ZNF423: variants seen among roughly 807,000 people sequenced by gnomAD.
The protein encoded by ZNF423 is zinc finger protein 423.
In ZNF423, 12 loss-of-function variants were observed where a neutral mutation model predicts 95.8. That is an observed-to-expected ratio of 0.13 (90% CI 0.08 to 0.20). ZNF423 has a LOEUF of 0.20. Among genes scored for constraint, ZNF423 ranks in the 10% least tolerant of loss-of-function variants. The pLI is 1.00. For missense variants in ZNF423, 1,316 were observed against 1,737.1 expected (o/e 0.76, Z 4.31); for synonymous variants, 749 against 711.9 (o/e 1.05, Z -0.83).
At chr16:49,731,260 C>T (rs1183970841) in intron 2 of ZNF423, 3 of 959,938 alleles carry the variant, frequency 3.1e-6, no homozygotes, top group Non-Finnish European at 3.7e-6. Context: ...AGGTGAAAAA[C>T]CTTATTTGTC....
At chr16:49,566,359 A>T (rs1970189892) in intron 5 of ZNF423, among the ~76,000 whole-genome samples, 1 of 152,150 alleles carries the variant, frequency 6.6e-6, no homozygotes, top group Admixed American at 6.5e-5. Flanking sequence ...GGGTCACCCA[A>T]CTGGGGCAGG....
chr16:49,555,124 A>G (rs1450067542), intron 5 of ZNF423, among the ~76,000 whole-genome samples: 1 of 152,192 alleles, frequency 6.6e-6, no homozygotes, highest in Non-Finnish European at 1.5e-5. Context: ...TATTAAACAC[A>G]CCTACATCAA....
At chr16:49,817,365 T>C (rs1398759663) in intron 1 of ZNF423, among the ~76,000 whole-genome samples, 1 of 152,218 alleles carries the variant, frequency 6.6e-6, no homozygotes, top group Non-Finnish European at 1.5e-5. Context: ...GGCATTTGGT[T>C]ACATCTGATT....
chr16:49,578,057 C>A (rs945981687), intron 5 of ZNF423, among the ~76,000 whole-genome samples: 3 of 152,350 alleles, frequency 2.0e-5, no homozygotes, highest in Non-Finnish European at 2.9e-5. Context: ...GAGCCTAGAG[C>A]CACAGTATTC....
intron 3 of ZNF423, among the ~76,000 whole-genome samples, chr16:49,702,243 C>T (rs1311184324): frequency 6.6e-6 from 1 of 152,186 alleles, no homozygotes; most frequent in Admixed American, 6.5e-5. Flanking sequence ...CCTTTGGAGA[C>T]GCTCACACTG....
intron 2 of ZNF423, among the ~76,000 whole-genome samples, chr16:49,749,241 C>T (rs2033586649): frequency 6.6e-6 from 1 of 152,078 alleles, no homozygotes; most frequent in Admixed American, 6.5e-5. Flanking sequence ...CCCAGCCCAC[C>T]CCCACAAGAA....
chr16:49,709,873 G>A (rs534394473), intron 3 of ZNF423, among the ~76,000 whole-genome samples: 15 of 152,120 alleles, frequency 9.9e-5, no homozygotes, highest in Non-Finnish European at 1.9e-4. Flanking sequence ...GACTGTGAAC[G>A]ACAAATTTCT....
rs115238543 is a variant in ZNF423, at chr16:49,604,174, G to A, written c.3601+21996C>T. Among the ~76,000 whole-genome samples, 1,396 of 152,290 alleles carry A rather than the reference G, an allele frequency of 9.2e-3. 21 individuals are homozygous for A. The highest frequency in any genetic ancestry group is 0.032 in the African/African-American group (1,320 of 41,574). On this transcript the variant is annotated intron_variant, in intron 5 of 7. Transcript: ENST00000563137. Reference sequence around the variant, plus strand: ...ATCAGCACCCCGCTGGCGGGCACCCGGGCCCCTCACCACTGTCTCTCAACC... The same window carrying A: ...ATCAGCACCCCGCTGGCGGGCACCCAGGCCCCTCACCACTGTCTCTCAACC...
intron 5 of ZNF423, among the ~76,000 whole-genome samples, chr16:49,590,051 T>TATATATATATATATATATATATATATCTA (rs879296139): frequency 7.5e-6 from 1 of 134,078 alleles, no homozygotes; most frequent in Non-Finnish European, 1.7e-5. Flanking sequence ...TATATATATA[T>TATATATATATATATATATATATATATCTA]TTGGTCCATA....
At chr16:49,688,015 G>C (rs943298556) in intron 3 of ZNF423, among the ~76,000 whole-genome samples, 7 of 151,046 alleles carry the variant, frequency 4.6e-5, no homozygotes, top group African/African-American at 1.7e-4. Context: ...AGGGACCCAG[G>C]GACCCACAGT....
intron 3 of ZNF423, among the ~76,000 whole-genome samples, chr16:49,706,298 G>A (rs74837649): frequency 0.018 from 2,700 of 152,318 alleles, 48 homozygotes; most frequent in Middle Eastern, 0.031. Flanking sequence ...TGGACCCTCC[G>A]TAAGATGGGC....
At chr16:49,738,691 G>A (rs768111512) in intron 2 of ZNF423, among the ~76,000 whole-genome samples, 1 of 152,084 alleles carries the variant, frequency 6.6e-6, no homozygotes, top group Non-Finnish European at 1.5e-5. Context: ...GAAAGTGAGA[G>A]AGCCAGGAAC....
chr16:49,724,452 C>A lies in ZNF423; in HGVS notation c.301+6319G>T, dbSNP rs185994214. Among the ~76,000 whole-genome samples the A allele has an allele frequency of 3.5e-3, 527 of 152,334 alleles. 2 individuals carry two copies. The highest frequency in any genetic ancestry group is 6.2e-3 in the Non-Finnish European group (423 of 68,032). ...GGGCAGAAGGAGCCCACACCCAGCACCTGTGTATCAGGTAGCACAGTGTCT... is the reference window on the plus strand; with the variant it reads ...GGGCAGAAGGAGCCCACACCCAGCAACTGTGTATCAGGTAGCACAGTGTCT... On this transcript the variant is annotated intron_variant, in intron 3 of 7. Transcript: ENST00000563137.
At chr16:49,590,029 A>AAT (rs201361462) in intron 5 of ZNF423, among the ~76,000 whole-genome samples, 6,068 of 97,374 alleles carry the variant, frequency 0.062, 846 homozygotes, top group African/African-American at 0.12. Context: ...GGAAGTGGCG[A>AAT]ATATATATAT....
chr16:49,758,180 C>G (rs1331795081), intron 2 of ZNF423, among the ~76,000 whole-genome samples: 3 of 152,286 alleles, frequency 2.0e-5, no homozygotes, highest in East Asian at 3.9e-4. Flanking sequence ...GCTCTGTCAC[C>G]GAGGCTGGAG....
chr16:49,561,012 T>A (rs1189828816), intron 5 of ZNF423, among the ~76,000 whole-genome samples: 1 of 152,240 alleles, frequency 6.6e-6, no homozygotes, highest in African/African-American at 2.4e-5. Context: ...AACACAGAGA[T>A]GATACTCAGG....
chr16:49,665,553 G>A (rs188940749), intron 3 of ZNF423, among the ~76,000 whole-genome samples: 1 of 152,314 alleles, frequency 6.6e-6, no homozygotes, highest in African/African-American at 2.4e-5. Context: ...TGAGCTCCAA[G>A]CGGCAGGACC....
chr16:49,693,333 G>A (rs1337623296), intron 3 of ZNF423, among the ~76,000 whole-genome samples: 1 of 152,204 alleles, frequency 6.6e-6, no homozygotes, highest in Non-Finnish European at 1.5e-5. Context: ...TGAGGAAACT[G>A]AGGCTAAGAG....
intron 5 of ZNF423, among the ~76,000 whole-genome samples, chr16:49,568,193 G>C (rs1970251036): frequency 6.6e-6 from 1 of 152,152 alleles, no homozygotes; most frequent in African/African-American, 2.4e-5. Flanking sequence ...GCCAATCAGA[G>C]CCAATTGTAA....
Sources: allele counts gnomAD v4.1 joint callset (sites outside exome capture counted in the v4.1 genomes callset), GRCh38; gene constraint gnomAD v4.1.1; transcripts MANE v1.5; gene names NCBI Gene and HGNC (gene_info 2026-07-23, HGNC 2026-07-21).